Variants in MYO3B observed in about 807,000 individuals in gnomAD.
The protein encoded by MYO3B is myosin IIIB, also known as myosin-IIIb.
MYO3B carries 156 observed loss-of-function variants against 174.6 expected under a neutral mutation model. The ratio of observed to expected loss-of-function variants is 0.89; its 90% CI spans 0.78 to 1.02. MYO3B has a LOEUF of 1.02. Ranked by LOEUF, MYO3B falls within the 50% of genes least tolerant of loss-of-function variation. The probability of loss-of-function intolerance (pLI) is 0.00; values close to 1 mark genes in which losing one functional copy is unlikely to be tolerated. For missense variants in MYO3B, 1,632 were observed against 1,639.4 expected (o/e 1.00, Z 0.08); for synonymous variants, 563 against 569.1 (o/e 0.99, Z 0.15).
chr2:170,645,978 TAA>T (rs1698337066), intron 32 of MYO3B, among the ~76,000 whole-genome samples: 1 of 152,278 alleles, frequency 6.6e-6, no homozygotes, highest in South Asian at 2.1e-4. Flanking sequence ...TTTACTGCTA[TAA>T]AAGTGTTATG....
At chr2:170,595,761 G>A (rs759581364) in intron 32 of MYO3B, among the ~76,000 whole-genome samples, 3 of 152,016 alleles carry the variant, frequency 2.0e-5, no homozygotes, top group East Asian at 1.9e-4. Context: ...AGGGTATTCC[G>A]AGCTATCCAA....
At position 170,483,830 on chromosome 2, in the gene MYO3B, C is replaced by G. The variant is rs374693935; in HGVS notation, c.3015-14762C>G. 8.5e-4 allele frequency among the ~76,000 whole-genome samples: 130 copies of G among 152,312 alleles called. 2 individuals are homozygous for G. The South Asian group carries it at 0.024, about 28-fold the overall frequency. Reference sequence around the variant, plus strand: ...ATGAGCACAGCTTCACTCTTCAACCCTAGCTGCAGACCTGGCTCTTCAGTC... The same window carrying G: ...ATGAGCACAGCTTCACTCTTCAACCGTAGCTGCAGACCTGGCTCTTCAGTC... On this transcript the variant is annotated intron_variant, in intron 25 of 34. Transcript: ENST00000408978.
chr2:170,280,622 G>A (rs1294791342), intron 7 of MYO3B, among the ~76,000 whole-genome samples: 1 of 152,078 alleles, frequency 6.6e-6, no homozygotes, highest in Admixed American at 6.6e-5. Context: ...TTACATTTAA[G>A]TCTGTAATCT....
chr2:170,541,401 G>A, intron 30 of MYO3B, among the ~76,000 whole-genome samples: 1 of 152,238 alleles, frequency 6.6e-6, no homozygotes, highest in South Asian at 2.1e-4. Flanking sequence ...GAAGAGCAGA[G>A]GATTTGGAGT....
chr2:170,320,749 A>T (rs751343037), intron 7 of MYO3B, among the ~76,000 whole-genome samples: 1 of 152,174 alleles, frequency 6.6e-6, no homozygotes, highest in Non-Finnish European at 1.5e-5. Context: ...CAAAAATGTA[A>T]GTAGTACAGA....
chr2:170,399,198 C>T (rs13404850), intron 16 of MYO3B, among the ~76,000 whole-genome samples: 67,513 of 124,816 alleles, frequency 0.54, 17,801 homozygotes, highest in East Asian at 0.67. Flanking sequence ...GCCGAGATCG[C>T]GCCATTGCAC....
chr2:170,180,236 C>T, intron 1 of MYO3B: 1 of 380,066 alleles, frequency 2.6e-6, no homozygotes, highest in South Asian at 1.9e-5. Context: ...AGGGATCAGA[C>T]TAGACCAATT....
chr2:170,414,165 A>G (rs1254608510), intron 22 of MYO3B, among the ~76,000 whole-genome samples: 1 of 152,180 alleles, frequency 6.6e-6, no homozygotes, highest in Non-Finnish European at 1.5e-5. Flanking sequence ...CCTCTTCACC[A>G]ATACCACACT....
chr2:170,613,061 G>T (rs193106594), intron 32 of MYO3B, among the ~76,000 whole-genome samples: 67 of 152,214 alleles, frequency 4.4e-4, no homozygotes, highest in African/African-American at 1.6e-3. Flanking sequence ...CGGAAAGCAG[G>T]GCCATACTCC....
At chr2:170,305,543 T>C (rs2093695462) in intron 7 of MYO3B, among the ~76,000 whole-genome samples, 1 of 152,166 alleles carries the variant, frequency 6.6e-6, no homozygotes, top group Non-Finnish European at 1.5e-5. Flanking sequence ...ATGTCTTGAA[T>C]AATAATGGGG....
chr2:170,209,175 C>T (rs2092745659), intron 3 of MYO3B, among the ~76,000 whole-genome samples: 1 of 152,154 alleles, frequency 6.6e-6, no homozygotes, highest in African/African-American at 2.4e-5. Flanking sequence ...TTGCATCATA[C>T]TGCAAAAGAA....
At chr2:170,572,896 G>GT (rs1451015381) in intron 32 of MYO3B, among the ~76,000 whole-genome samples, 1 of 152,068 alleles carries the variant, frequency 6.6e-6, no homozygotes, top group East Asian at 1.9e-4. Context: ...ATTAATGACT[G>GT]TTTTTTCCCT....
At chr2:170,521,597 C>A (rs1688672276) in intron 30 of MYO3B, among the ~76,000 whole-genome samples, 1 of 152,292 alleles carries the variant, frequency 6.6e-6, no homozygotes, top group African/African-American at 2.4e-5. Context: ...TCACAGACCC[C>A]AGATCCTCTG....
At chr2:170,329,657 G>T (rs535392405) in intron 7 of MYO3B, among the ~76,000 whole-genome samples, 1 of 151,518 alleles carries the variant, frequency 6.6e-6, no homozygotes, top group Non-Finnish European at 1.5e-5. Flanking sequence ...GCCTCCCAAA[G>T]TGCTGGGATT....
At chr2:170,559,870 A>G (rs1691590059) in intron 32 of MYO3B, among the ~76,000 whole-genome samples, 2 of 152,060 alleles carry the variant, frequency 1.3e-5, no homozygotes, top group South Asian at 2.1e-4. Context: ...TTATTACACT[A>G]AAATTCCCTG....
In MYO3B at chr2:170,537,448, A is replaced by ATTTTTTTTTTTT. The variant is rs559086883; in HGVS notation, c.3576-5436_3576-5425dup. ...ACCTTCTCTTATTAAGAGCTCTTTG[A>ATTTTTTTTTTTT]TTTTTTTTTTTTTTTTTTTTTTTTT... On this transcript the variant is annotated intron_variant, in intron 30 of 34. Coordinates refer to ENST00000408978, the MANE Select transcript of MYO3B (RefSeq NM_138995.5). Among the ~76,000 whole-genome samples the ATTTTTTTTTTTT allele has an allele frequency of 6.7e-4, 37 of 54,820 alleles. 6 individuals carry two copies. Among genetic ancestry groups the ATTTTTTTTTTTT allele is most frequent in the African/African-American group, 2.0e-3 (24 of 12,278 alleles). The allele number at this position is 54,820 out of a possible 152,430, so 36.0% of individuals were successfully genotyped here.
intron 7 of MYO3B, among the ~76,000 whole-genome samples, chr2:170,324,018 A>G (rs1343615678): frequency 2.0e-5 from 3 of 152,196 alleles, no homozygotes; most frequent in Non-Finnish European, 4.4e-5. Flanking sequence ...TTTTATGGCC[A>G]TGATCCTGGC....
Position 170,236,002 on chromosome 2 carries a change from T to A in MYO3B, c.615T>A (p.Cys205Ter). 6.2e-7 allele frequency: 1 copy of A among 1,614,106 alleles called. No individual in the cohort carries two copies. The highest frequency in any genetic ancestry group is 8.5e-7 in the Non-Finnish European group (1 of 1,180,016). The change falls in exon 7 of 35, where the codon TGT (cysteine) becomes TGA (stop). Residue 205 changes from cysteine to a stop codon, truncating the protein, a stop_gained. Coordinates refer to ENST00000408978, the MANE Select transcript of MYO3B (RefSeq NM_138995.5). LOFTEE classifies it high-confidence loss of function. ...PFWMAPEVIA[C>*]EQQYDSSYDA... is the part of the protein sequence containing the mutation. Reference sequence around the variant, plus strand: ...CTTTTGTCCAATAGGTCATTGCCTGTGAGCAGCAGTATGACTCTTCCTATG... The same window carrying A: ...CTTTTGTCCAATAGGTCATTGCCTGAGAGCAGCAGTATGACTCTTCCTATG...
At chr2:170,212,865 C>T (rs1328309621) in intron 3 of MYO3B, among the ~76,000 whole-genome samples, 1 of 152,194 alleles carries the variant, frequency 6.6e-6, no homozygotes, top group Non-Finnish European at 1.5e-5. Context: ...CTAATCTGCA[C>T]AAAGCATCTG....
Sources: allele counts gnomAD v4.1 joint callset (sites outside exome capture counted in the v4.1 genomes callset), GRCh38; gene constraint gnomAD v4.1.1; transcripts MANE v1.5; gene names NCBI Gene and HGNC (gene_info 2026-07-23, HGNC 2026-07-21).